ITGA2B: variants seen among roughly 807,000 people sequenced by gnomAD.
ITGA2B encodes the protein integrin alpha-IIb.
A neutral mutation model predicts 142.0 loss-of-function variants in ITGA2B; 91 were observed. The observed-to-expected ratio is 0.64, with a 90% confidence interval of 0.54 to 0.76. The LOEUF (loss-of-function observed/expected upper bound fraction) is 0.76. Ranked by LOEUF, ITGA2B falls within the 30% of genes least tolerant of loss-of-function variation. The probability of loss-of-function intolerance (pLI) is 0.00; values close to 1 mark genes in which losing one functional copy is unlikely to be tolerated. For missense variants in ITGA2B, 1,231 were observed against 1,350.8 expected, an observed-to-expected ratio of 0.91 and a Z score of 1.39; for synonymous variants, 536 against 567.2, an observed-to-expected ratio of 0.94 and a Z score of 0.78.
chr17:44,385,114 G>A (rs748572066), intron 6 of ITGA2B, 38 bp from the exon 7 acceptor site: 13 of 1,614,098 alleles, frequency 8.1e-6, no homozygotes, highest in Non-Finnish European at 1.1e-5. Flanking sequence ...AGCCCAAAGC[G>A]GTCTCCTTGG....
chr17:44,375,160 A>C, intron 26 of ITGA2B, 49 bp from the exon 27 acceptor site: 1 of 1,455,524 alleles, frequency 6.9e-7, no homozygotes, highest in Non-Finnish European at 9.4e-7. Flanking sequence ...CCATCACCCC[A>C]TCATCCCCCA....
chr17:44,384,702 A>T, intron 7 of ITGA2B, 117 bp from the exon 8 acceptor site: 1 of 1,363,936 alleles, frequency 7.3e-7, no homozygotes, highest in Non-Finnish European at 1.0e-6. Context: ...GCAGATGGAA[A>T]AACGGAGGCC....
intron 28 of ITGA2B, 87 bp from the exon 29 acceptor site, chr17:44,374,557 T>G: frequency 6.6e-7 from 1 of 1,507,348 alleles, no homozygotes; most frequent in Non-Finnish European, 9.2e-7. Context: ...CCTCCAGCCA[T>G]GCCACCCACC....
At chr17:44,374,958 CCCAGAAGGCCCGGCCCCG>C in intron 27 of ITGA2B, 22 bp downstream of exon 27, 1 of 1,465,048 alleles carries the variant, frequency 6.8e-7, no homozygotes, top group Non-Finnish European at 9.3e-7. Flanking sequence ...GTGGTCCCCG[CCCAGAAGGCCCGGCCCCG>C]CCCCACCACG....
intron 24 of ITGA2B, 27 bp from the exon 25 acceptor site, chr17:44,376,012 G>A (rs556015393): frequency 3.1e-6 from 5 of 1,613,966 alleles, no homozygotes; most frequent in Non-Finnish European, 3.4e-6. Flanking sequence ...GGCAGGGTGT[G>A]GGGAGCTTAG....
At chr17:44,375,771 G>T in intron 25 of ITGA2B, 55 bp from the exon 26 acceptor site, 1 of 1,556,952 alleles carries the variant, frequency 6.4e-7, no homozygotes, top group East Asian at 2.4e-5. Context: ...CCAGCCCACA[G>T]AGGTGCCCCG....
rs1345081127 is a variant in ITGA2B, at chr17:44,386,079, TCTC to T, written c.238_240del (p.Glu80del). The T allele has an allele frequency of 1.4e-5, 22 of 1,610,126 alleles. No homozygotes were observed. The highest frequency in any genetic ancestry group is 8.9e-5 in the East Asian group (4 of 44,792). On this transcript the variant is annotated inframe_deletion, in exon 2 of 30. Transcript: ENST00000262407. ...CAGGGGCACAGGAACACGCCGCCCG[TCTC>T]CTCCTGGCTGGGGCCCAGGGTCCGC...
chr17:44,382,513 T>A (rs1235329308), intron 12 of ITGA2B, among the ~76,000 whole-genome samples: 1 of 152,060 alleles, frequency 6.6e-6, no homozygotes, highest in East Asian at 1.9e-4. Context: ...TCTCTATTTT[T>A]TTTTTTATTT....
Position 44,376,195 on chromosome 17 carries a change from C to T in ITGA2B, c.2349-11G>A, listed in dbSNP as rs199682503. ...GCTGGAAAGGAGTTCCTGCAGGTGC[C>T]CAAGACCCCCAGAGAGAGTGTGATG... On this transcript the variant is annotated splice_polypyrimidine_tract_variant and intron_variant, in intron 23 of 29. Coordinates refer to ENST00000262407, the MANE Select transcript of ITGA2B (RefSeq NM_000419.5). The T allele has an allele frequency of 4.0e-4, 639 of 1,614,116 alleles. 2 individuals carry two copies. In the African/African-American group the frequency reaches 7.8e-3, roughly 20 times the overall value.
At chr17:44,377,897 G>T (rs1241647866) in intron 20 of ITGA2B, 107 bp from the exon 21 acceptor site, 3 of 692,838 alleles carry the variant, frequency 4.3e-6, no homozygotes, top group Middle Eastern at 2.5e-4. Context: ...GGGAGGGGGG[G>T]GTTTCTTGGG....
chr17:44,378,830 C>G, intron 18 of ITGA2B, 120 bp from the exon 19 acceptor site: 3 of 848,234 alleles, frequency 3.5e-6, no homozygotes, highest in Non-Finnish European at 5.8e-6. Context: ...GTAAGAAGAT[C>G]TGAGGACGAA....
chr17:44,386,970 T>A (rs9900535), intron 1 of ITGA2B, among the ~76,000 whole-genome samples: 5,609 of 152,106 alleles, frequency 0.037, 340 homozygotes, highest in African/African-American at 0.13. Flanking sequence ...TAAAAAAAAT[T>A]TTTTTATAGG....
Position 44,376,069 on chromosome 17 carries a change from C to T in ITGA2B, c.2448+16G>A, listed in dbSNP as rs368709001. 1.1e-5 allele frequency: 17 copies of T among 1,613,994 alleles called. No individual in the cohort carries two copies. The highest frequency in any genetic ancestry group is 5.3e-5 in the African/African-American group (4 of 74,900). On this transcript the variant is annotated intron_variant, in intron 24 of 29. Transcript: ENST00000262407. The stretch of plus-strand genomic sequence containing the variant: ...GACCCGCTCACCCCAGCCAGGGACG[C>T]GAGGCTCCCCAATACCTCATAGGTG...
At chr17:44,374,784 C>A (rs780435633) in intron 27 of ITGA2B, 24 bp from the exon 28 acceptor site, 21 of 1,590,278 alleles carry the variant, frequency 1.3e-5, no homozygotes, top group Admixed American at 1.2e-4. Context: ...GGTTGAAAGC[C>A]GTTTACACCC....
intron 18 of ITGA2B, among the ~76,000 whole-genome samples, chr17:44,379,482 G>C (rs1257448029): frequency 6.6e-6 from 1 of 151,740 alleles, no homozygotes; most frequent in African/African-American, 2.4e-5. Flanking sequence ...TCTAACTCCT[G>C]ACCTCAGGCA....
intron 1 of ITGA2B, among the ~76,000 whole-genome samples, chr17:44,388,095 C>T (rs1391138197): frequency 6.6e-6 from 1 of 152,076 alleles, no homozygotes; most frequent in Non-Finnish European, 1.5e-5. Flanking sequence ...CTCCCTGAAG[C>T]TGGTGGGCAC....
rs899996477 is a variant in ITGA2B, at chr17:44,374,767, AGGTTGG to A, written c.2842-13_2842-8del. The A allele has an allele frequency of 1.5e-5, 24 of 1,610,926 alleles. No homozygotes were observed. In the African/African-American group the frequency reaches 2.7e-4, roughly 18 times the overall value. ...CAAACTGATCCAGAGGCCTCTGGACAGGTTGGGGTTGAAAGCCGTTTACACCCACAA... is the reference window on the plus strand; with the variant it reads ...CAAACTGATCCAGAGGCCTCTGGACAGGTTGAAAGCCGTTTACACCCACAA... On this transcript the variant is annotated splice_region_variant and splice_polypyrimidine_tract_variant and intron_variant, in intron 27 of 29. Transcript: ENST00000262407.
chr17:44,386,049 C>T lies in ITGA2B; in HGVS notation c.271G>A (p.Ala91Thr), dbSNP rs1362431939. ...AGCGAGGGGCACTGGCCGCCCTCGG[C>T]CCTCCAGGGGCACAGGAACACGCCG... ...TGGVFLCPWR[A>T]EGGQCPSLLF... Residue 91 changes from alanine (A) to threonine (T), a missense_variant, in exon 2 of 30, where the codon GCC (alanine) becomes ACC (threonine). This residue lies in a region of ITGA2B where 318 missense variants were observed against 312.2 expected (regional missense o/e 1.02). Coordinates refer to ENST00000262407, the MANE Select transcript of ITGA2B (RefSeq NM_000419.5). 6.2e-7 allele frequency: 1 copy of T among 1,613,008 alleles called. No homozygotes were observed. Among genetic ancestry groups the T allele is most frequent in the East Asian group, 2.2e-5 (1 of 44,870 alleles).
At chr17:44,376,489 A>T (rs2048545749) in intron 22 of ITGA2B, 101 bp from the exon 23 acceptor site, 1 of 1,038,844 alleles carries the variant, frequency 9.6e-7, no homozygotes, top group East Asian at 2.4e-5. Context: ...AGAGCTAATT[A>T]TACAAAGAGC....
Sources: gnomAD v4.1 joint callset for allele counts (sites outside exome capture counted in the v4.1 genomes callset) on GRCh38, gnomAD v4.1.1 for gene constraint, gnomAD v4.1.1 regional missense constraint, MANE v1.5 for transcripts, NCBI Gene and HGNC (gene_info 2026-07-23, HGNC 2026-07-21) for gene names.